Variants in VRK2 observed in about 807,000 individuals in gnomAD.
The protein encoded by VRK2 is VRK serine/threonine kinase 2.
A neutral mutation model predicts 57.6 loss-of-function variants in VRK2; 60 were observed. The observed-to-expected ratio is 1.04, with a 90% CI of 0.85 to 1.29. The LOEUF (loss-of-function observed/expected upper bound fraction) is 1.29. VRK2 is among the 50% of genes most tolerant of loss of function. The pLI, the probability that VRK2 is intolerant of heterozygous loss-of-function variation, is 0.00. For synonymous variants in VRK2, 231 were observed against 199.2 expected, an observed-to-expected ratio of 1.16 and a Z score of -1.35; for missense variants, 705 against 588.1, an observed-to-expected ratio of 1.20 and a Z score of -2.06.
At chr2:58,042,191 CTTCA>C (rs1053412643), upstream of VRK2, among the ~76,000 whole-genome samples, 16 of 152,042 alleles carry the variant, frequency 1.1e-4, no homozygotes, top group African/African-American at 3.9e-4. Flanking sequence ...TATTCTAATT[CTTCA>C]TTTATATAGA....
intron 1 of VRK2, among the ~76,000 whole-genome samples, chr2:57,999,562 C>A (rs550021347): frequency 5.9e-5 from 9 of 152,020 alleles, no homozygotes; most frequent in African/African-American, 1.9e-4. Flanking sequence ...GATGGGTGAA[C>A]TTTTGAGCCT....
chr2:58,073,692 AT>A (rs964565653), intron 2 of VRK2, among the ~76,000 whole-genome samples: 30 of 149,866 alleles, frequency 2.0e-4, no homozygotes, highest in Non-Finnish European at 4.3e-4. Flanking sequence ...ATAAAAGGGA[AT>A]TTATAAAGGA....
In VRK2 at chr2:58,075,640, A is replaced by G. The variant is rs556932392; in HGVS notation, c.137-8449A>G. On this transcript the variant is annotated intron_variant, in intron 2 of 12. Coordinates refer to ENST00000340157, the MANE Select transcript of VRK2 (RefSeq NM_006296.7). Reference sequence around the variant, plus strand: ...TGGATTTACCTAATGATAAGTATAAACCTATTTTTTTGGTGGGGGGCCTAT... The same window carrying G: ...TGGATTTACCTAATGATAAGTATAAGCCTATTTTTTTGGTGGGGGGCCTAT... Among the ~76,000 whole-genome samples, 12 of 152,138 alleles carry G rather than the reference A, an allele frequency of 7.9e-5. No individual in the cohort carries two copies. The South Asian group carries it at 1.2e-3, about 16-fold the overall frequency.
intron 1 of VRK2, among the ~76,000 whole-genome samples, chr2:57,969,960 TC>T (rs1380035526): frequency 6.6e-6 from 1 of 151,244 alleles, no homozygotes; most frequent in Non-Finnish European, 1.5e-5. Flanking sequence ...AGTTTCAGTT[TC>T]CCCCCCGTAA....
chr2:57,939,029 G>A (rs1170416228), intron 1 of VRK2, among the ~76,000 whole-genome samples: 1 of 152,136 alleles, frequency 6.6e-6, no homozygotes, highest in Non-Finnish European at 1.5e-5. Context: ...ACAGACAATA[G>A]TGAAGCCTGA....
chr2:57,986,996 T>C (rs1672615283), intron 1 of VRK2, among the ~76,000 whole-genome samples: 1 of 152,068 alleles, frequency 6.6e-6, no homozygotes, highest in Admixed American at 6.5e-5. Context: ...AAACTGGATA[T>C]ACACATGCAA....
intron 2 of VRK2, among the ~76,000 whole-genome samples, chr2:58,083,642 A>G (rs1366481894): frequency 6.6e-6 from 1 of 151,758 alleles, no homozygotes; most frequent in East Asian, 1.9e-4. Context: ...AATTGAATCG[A>G]TTTTTATTTC....
intron 2 of VRK2, among the ~76,000 whole-genome samples, chr2:58,028,899 AATAAAT>A (rs1219042316): frequency 0.025 from 2,027 of 80,476 alleles, 4 homozygotes; most frequent in Non-Finnish European, 0.031. Flanking sequence ...TAAATAAATA[AATAAAT>A]ATATATATAT....
chr2:58,093,784 T>C (rs1452868260), intron 7 of VRK2, among the ~76,000 whole-genome samples: 2 of 152,358 alleles, frequency 1.3e-5, no homozygotes, highest in African/African-American at 4.8e-5. Flanking sequence ...CTTCTAGGGT[T>C]TTTATGGTTT....
At chr2:58,130,213 C>T (rs1465983212) in intron 8 of VRK2, among the ~76,000 whole-genome samples, 1 of 152,132 alleles carries the variant, frequency 6.6e-6, no homozygotes, top group East Asian at 1.9e-4. Flanking sequence ...CATCCAAACA[C>T]TGTGCCAGAA....
At chr2:58,049,442 G>C (rs937061450) in intron 2 of VRK2, among the ~76,000 whole-genome samples, 1 of 152,066 alleles carries the variant, frequency 6.6e-6, no homozygotes, top group African/African-American at 2.4e-5. Flanking sequence ...CTTCTCTCTC[G>C]TGCATCTAGA....
At chr2:58,046,506 G>T, upstream of VRK2, 4 of 985,484 alleles carry the variant, frequency 4.1e-6, no homozygotes, top group South Asian at 1.9e-4. Flanking sequence ...ACAAATGCAT[G>T]TCGTGCTTAT....
intron 2 of VRK2, among the ~76,000 whole-genome samples, chr2:58,083,763 A>C (rs1462771471): frequency 6.6e-6 from 1 of 151,744 alleles, no homozygotes; most frequent in Non-Finnish European, 1.5e-5. Flanking sequence ...CACATTTTGG[A>C]TCTATATGAT....
intron 2 of VRK2, among the ~76,000 whole-genome samples, chr2:58,032,352 C>T (rs1436227790): frequency 2.0e-5 from 3 of 151,982 alleles, no homozygotes; most frequent in African/African-American, 4.8e-5. Context: ...GTGAGAACTC[C>T]AAGATCAAGA....
intron 1 of VRK2, among the ~76,000 whole-genome samples, chr2:57,939,699 T>A (rs1473325278): frequency 6.6e-6 from 1 of 152,240 alleles, no homozygotes; most frequent in Non-Finnish European, 1.5e-5. Flanking sequence ...AAAAAGTGTA[T>A]CAGTTAACAA....
Position 58,004,853 on chromosome 2 carries a change from T to C in VRK2, c.-438-20812T>C, listed in dbSNP as rs535986604. ...AAGGTGATCAGGCATTATTGAGACA[T>C]ATACTAGTTCTTCCAGTATAGTGGA... On this transcript the variant is annotated intron_variant, in intron 1 of 15. Transcript: ENST00000417641. Among the ~76,000 whole-genome samples, 15 of 152,282 alleles carry C rather than the reference T, an allele frequency of 9.9e-5. 1 individual carries two copies. In the East Asian group the frequency reaches 1.9e-3, roughly 20 times the overall value.
intron 2 of VRK2, among the ~76,000 whole-genome samples, chr2:58,055,467 G>A (rs1676379601): frequency 6.6e-6 from 1 of 152,216 alleles, no homozygotes; most frequent in South Asian, 2.1e-4. Context: ...GCAAAATCCT[G>A]TCTTTGGTGA....
intron 1 of VRK2, among the ~76,000 whole-genome samples, chr2:57,974,083 T>G (rs1276723485): frequency 6.6e-6 from 1 of 151,806 alleles, no homozygotes; most frequent in Non-Finnish European, 1.5e-5. Flanking sequence ...AGCTTAGTGT[T>G]TGTTGCAGAT....
intron 12 of VRK2, chr2:58,147,145 C>T: frequency 1.9e-6 from 1 of 517,926 alleles, no homozygotes; most frequent in Non-Finnish European, 3.9e-6. Context: ...CCTACCTAAT[C>T]AAGAAAAATT....
Sources: allele counts gnomAD v4.1 joint callset (sites outside exome capture counted in the v4.1 genomes callset), GRCh38; gene constraint gnomAD v4.1.1; transcripts MANE v1.5; gene names NCBI Gene and HGNC (gene_info 2026-07-23, HGNC 2026-07-21).